The following ENTREP1 variants were observed in gnomAD, a reference collection of about 807,000 sequenced individuals.
The protein encoded by ENTREP1 is endosomal transmembrane epsin interactor 1.
At chr9:69,388,283 T>G in the ENTREP1 span, 1 of 1,614,158 alleles carries the variant, frequency 6.2e-7, no homozygotes, top group Non-Finnish European at 8.5e-7. Flanking sequence ...TTTGATAGAT[T>G]ACAAATCCTA....
the ENTREP1 span, chr9:69,329,762 G>T: frequency 2.8e-5 from 16 of 571,850 alleles, no homozygotes; most frequent in East Asian, 1.4e-3. Flanking sequence ...CTCTCGGTTT[G>T]GGGGGTGCGT....
At chr9:69,392,186 G>A in the ENTREP1 span, 4 of 242,258 alleles carry the variant, frequency 1.7e-5, no homozygotes, top group East Asian at 9.6e-5. Context: ...CAGATCTGCC[G>A]GGCTGCTATT....
At chr9:69,325,246 T>C in the ENTREP1 span, 8 of 1,070,730 alleles carry the variant, frequency 7.5e-6, no homozygotes, top group Non-Finnish European at 9.0e-6. Context: ...TCGGCTCGGC[T>C]CCGCTCCGCG....
At chr9:69,326,849 C>A in the ENTREP1 span, among the ~76,000 whole-genome samples, 7 of 151,818 alleles carry the variant, frequency 4.6e-5, no homozygotes, top group Admixed American at 4.6e-4. Context: ...GAGGCATGAG[C>A]CACCACAGCC....
At chr9:69,386,990 A>G in the ENTREP1 span, 2 of 152,348 alleles carry the variant, frequency 1.3e-5, no homozygotes, top group African/African-American at 4.8e-5. Flanking sequence ...TCCAGCCTCA[A>G]CGGGAACTTA....
the ENTREP1 span, among the ~76,000 whole-genome samples, chr9:69,331,562 A>G: frequency 6.6e-6 from 1 of 152,228 alleles, no homozygotes; most frequent in Non-Finnish European, 1.5e-5. Flanking sequence ...GTGTTAGAAA[A>G]TAGGTTCTTA....
At chr9:69,357,372 A>G in the ENTREP1 span, among the ~76,000 whole-genome samples, 1 of 152,188 alleles carries the variant, frequency 6.6e-6, no homozygotes, top group Non-Finnish European at 1.5e-5. Flanking sequence ...TTGAAAGAGG[A>G]ATGAGAAAGC....
the ENTREP1 span, chr9:69,325,451 G>T: frequency 8.8e-5 from 84 of 954,578 alleles, no homozygotes; most frequent in African/African-American, 1.4e-3. Context: ...CTGGCCCCGG[G>T]GCGCGCTGCA....
the ENTREP1 span, among the ~76,000 whole-genome samples, chr9:69,333,845 A>C: frequency 3.3e-5 from 5 of 152,244 alleles, no homozygotes; most frequent in Non-Finnish European, 7.3e-5. Flanking sequence ...GGTGGGATGC[A>C]CATGCACAGA....
chr9:69,375,720 C>A, the ENTREP1 span: 17 of 1,597,102 alleles, frequency 1.1e-5, no homozygotes, highest in Non-Finnish European at 1.5e-5. Flanking sequence ...TTTTTTTTTA[C>A]CTTTCCTCCG....
chr9:69,327,176 G>A, the ENTREP1 span, among the ~76,000 whole-genome samples: 7,689 of 152,180 alleles, frequency 0.051, 304 homozygotes, highest in East Asian at 0.17. Flanking sequence ...AACTTATTGG[G>A]GTACGTGCTG....
At chr9:69,379,628 G>A in the ENTREP1 span, 1 of 152,228 alleles carries the variant, frequency 6.6e-6, no homozygotes, top group African/African-American at 2.4e-5. Flanking sequence ...GCCGTCTCAG[G>A]CTGTCTGTAG....
At chr9:69,377,780 A>T in the ENTREP1 span, 1 of 1,583,296 alleles carries the variant, frequency 6.3e-7, no homozygotes, top group Non-Finnish European at 8.6e-7. Context: ...TCTGAGTGGG[A>T]TGCTGTGGGT....
chr9:69,374,053 T>C, the ENTREP1 span, among the ~76,000 whole-genome samples: 1 of 152,206 alleles, frequency 6.6e-6, no homozygotes, highest in East Asian at 1.9e-4. Context: ...TGTTCCTGTT[T>C]CTTTCACCAT....
the ENTREP1 span, among the ~76,000 whole-genome samples, chr9:69,326,130 A>G: frequency 2.0e-5 from 3 of 152,160 alleles, no homozygotes; most frequent in Non-Finnish European, 4.4e-5. Flanking sequence ...TTGTTCACTG[A>G]TGTATCAAGA....
At chr9:69,347,723 C>T in the ENTREP1 span, among the ~76,000 whole-genome samples, 1 of 152,134 alleles carries the variant, frequency 6.6e-6, no homozygotes, top group African/African-American at 2.4e-5. Context: ...CTTAAACAAT[C>T]AGGAATAATG....
chr9:69,328,293 A>G, the ENTREP1 span, among the ~76,000 whole-genome samples: 1 of 152,230 alleles, frequency 6.6e-6, no homozygotes, highest in Non-Finnish European at 1.5e-5. Flanking sequence ...CAGGTGTCAC[A>G]TTTCATCTGT....
the ENTREP1 span, among the ~76,000 whole-genome samples, chr9:69,356,577 TAG>T: frequency 6.6e-6 from 1 of 152,134 alleles, no homozygotes; most frequent in East Asian, 1.9e-4. Flanking sequence ...GAAAGAAAAT[TAG>T]AGAGGCACAG....
At chr9:69,389,077 C>G in the ENTREP1 span, among the ~76,000 whole-genome samples, 126 of 152,300 alleles carry the variant, frequency 8.3e-4, no homozygotes, top group East Asian at 0.021. Context: ...ACTAGGTAGT[C>G]TCTCTACCTT....
Sources: gnomAD v4.1 joint callset for allele counts (sites outside exome capture counted in the v4.1 genomes callset) on GRCh38, gnomAD v4.1.1 for gene constraint, MANE v1.5 for transcripts, NCBI Gene and HGNC (gene_info 2026-07-23, HGNC 2026-07-21) for gene names.